CCSER1: variants seen among roughly 807,000 people sequenced by gnomAD.
CCSER1 encodes serine-rich coiled-coil domain-containing protein 1.
Under a neutral mutation model 82.0 loss-of-function variants are expected in CCSER1, and 41 were observed. The observed-to-expected ratio is 0.50, with a 90% CI of 0.39 to 0.65. The LOEUF (loss-of-function observed/expected upper bound fraction) is 0.65, where lower values mean the gene tolerates loss of function less well. CCSER1 is among the 30% of genes least tolerant of loss of function. The probability of loss-of-function intolerance (pLI) is 0.00; values close to 1 mark genes in which losing one functional copy is unlikely to be tolerated. For missense variants in CCSER1, 1,119 were observed against 1,064.2 expected (o/e 1.05, Z -0.72); for synonymous variants, 414 against 383.9 (o/e 1.08, Z -0.92).
chr4:91,445,265 A>G (rs1578476391), intron 10 of CCSER1, among the ~76,000 whole-genome samples: 2 of 152,008 alleles, frequency 1.3e-5, no homozygotes, highest in Non-Finnish European at 2.9e-5. Flanking sequence ...AAGATATTTC[A>G]TCTATTTTTA....
At chr4:90,634,733 T>A (rs1485756882) in intron 6 of CCSER1, among the ~76,000 whole-genome samples, 3 of 151,768 alleles carry the variant, frequency 2.0e-5, no homozygotes, top group Admixed American at 2.0e-4. Flanking sequence ...AATCAAGCAA[T>A]TACCATGGAA....
At chr4:90,128,663 GT>G (rs1218600005) in intron 1 of CCSER1, among the ~76,000 whole-genome samples, 3 of 152,154 alleles carry the variant, frequency 2.0e-5, no homozygotes, top group Non-Finnish European at 4.4e-5. Context: ...CCAGCAAGGG[GT>G]AAGGGTGACG....
At chr4:91,336,447 C>T (rs750363250) in intron 10 of CCSER1, among the ~76,000 whole-genome samples, 11 of 152,056 alleles carry the variant, frequency 7.2e-5, no homozygotes, top group Non-Finnish European at 1.0e-4. Context: ...GTATTTGCTA[C>T]GCTATGCCTT....
chr4:90,779,960 G>T (rs1473662391), intron 7 of CCSER1, among the ~76,000 whole-genome samples: 1 of 152,184 alleles, frequency 6.6e-6, no homozygotes, highest in Non-Finnish European at 1.5e-5. Flanking sequence ...GGCCTTTGAT[G>T]ATTTAAATTA....
intron 10 of CCSER1, among the ~76,000 whole-genome samples, chr4:91,354,337 G>A (rs1207131549): frequency 3.9e-5 from 6 of 152,200 alleles, no homozygotes; most frequent in East Asian, 1.9e-4. Context: ...TGTTTTTATC[G>A]GCAGTAAGAA....
chr4:91,018,514 C>T (rs1182510629), intron 9 of CCSER1, among the ~76,000 whole-genome samples: 1 of 152,090 alleles, frequency 6.6e-6, no homozygotes, highest in African/African-American at 2.4e-5. Flanking sequence ...TATATTTGGC[C>T]ATATTATTCC....
chr4:90,410,832 A>G (rs1261235676), intron 4 of CCSER1, among the ~76,000 whole-genome samples: 2 of 152,246 alleles, frequency 1.3e-5, no homozygotes, highest in Non-Finnish European at 2.9e-5. Context: ...CAATGAATCC[A>G]GGAGCTGGTT....
intron 10 of CCSER1, among the ~76,000 whole-genome samples, chr4:91,339,723 T>C (rs1191912029): frequency 6.6e-6 from 1 of 152,178 alleles, no homozygotes; most frequent in Non-Finnish European, 1.5e-5. Context: ...CTCTTCTCTG[T>C]AGGGGATACA....
chr4:91,402,564 T>G (rs1239502066), intron 10 of CCSER1, among the ~76,000 whole-genome samples: 1 of 152,182 alleles, frequency 6.6e-6, no homozygotes, highest in Non-Finnish European at 1.5e-5. Context: ...CTTGAGTTAA[T>G]TTTTGTATAA....
At chr4:91,067,083 GAA>G (rs1286698992) in intron 9 of CCSER1, among the ~76,000 whole-genome samples, 1 of 151,938 alleles carries the variant, frequency 6.6e-6, no homozygotes, top group Non-Finnish European at 1.5e-5. Flanking sequence ...GAAATGGCGT[GAA>G]CCCGGGAGGC....
At chr4:90,807,223 C>A (rs1757637347) in intron 7 of CCSER1, among the ~76,000 whole-genome samples, 1 of 152,048 alleles carries the variant, frequency 6.6e-6, no homozygotes, top group Non-Finnish European at 1.5e-5. Flanking sequence ...TACCTGCATC[C>A]TACTATGCTA....
At chr4:91,553,586 T>C (rs1406167690) in intron 10 of CCSER1, among the ~76,000 whole-genome samples, 3 of 150,636 alleles carry the variant, frequency 2.0e-5, no homozygotes, top group Non-Finnish European at 4.4e-5. Context: ...TTTTTTTGTC[T>C]TCAGTCTCCT....
At chr4:91,473,674 T>G (rs539140795) in intron 10 of CCSER1, among the ~76,000 whole-genome samples, 2 of 152,208 alleles carry the variant, frequency 1.3e-5, no homozygotes, top group African/African-American at 4.8e-5. Context: ...GAGGAAAAAT[T>G]AAAAGAGTGT....
chr4:90,565,681 T>G lies in CCSER1; in HGVS notation c.1725-62344T>G, dbSNP rs193280570. Among the ~76,000 whole-genome samples, 183 of 152,344 alleles carry G rather than the reference T, an allele frequency of 1.2e-3. 3 individuals are homozygous for G. In the East Asian group the frequency reaches 0.028, roughly 23 times the overall value. On this transcript the variant is annotated intron_variant, in intron 5 of 10. Transcript: ENST00000509176. The stretch of plus-strand genomic sequence containing the variant: ...TTTTTATTATGTTGAGGTACATTCC[T>G]TCCGTACCTAACTTGTTGAGAGTTT...
intron 8 of CCSER1, among the ~76,000 whole-genome samples, chr4:90,840,277 T>C (rs774723510): frequency 5.3e-5 from 8 of 152,152 alleles, no homozygotes; most frequent in Non-Finnish European, 1.5e-5. Flanking sequence ...TGTATCTTAA[T>C]TCAGAATTAG....
intron 9 of CCSER1, among the ~76,000 whole-genome samples, chr4:91,002,467 G>T (rs1738119161): frequency 6.6e-6 from 1 of 151,836 alleles, no homozygotes; most frequent in African/African-American, 2.4e-5. Flanking sequence ...TTTTTTCTTT[G>T]TCAGATTGGG....
chr4:91,321,147 G>C (rs1440096817), intron 10 of CCSER1, among the ~76,000 whole-genome samples: 1 of 152,050 alleles, frequency 6.6e-6, no homozygotes, highest in African/African-American at 2.4e-5. Flanking sequence ...GGATAAACTT[G>C]ATTCTTATTC....
At chr4:91,050,117 T>C (rs1200753695) in intron 9 of CCSER1, among the ~76,000 whole-genome samples, 2 of 152,204 alleles carry the variant, frequency 1.3e-5, no homozygotes, top group Non-Finnish European at 2.9e-5. Context: ...GGATTGTATG[T>C]ATACAATTGA....
At chr4:90,739,560 G>C (rs781262092) in intron 7 of CCSER1, among the ~76,000 whole-genome samples, 1 of 152,166 alleles carries the variant, frequency 6.6e-6, no homozygotes, top group Non-Finnish European at 1.5e-5. Flanking sequence ...TTGTGGGCTA[G>C]ACTGCATTTC....
Sources: allele counts gnomAD v4.1 joint callset (sites outside exome capture counted in the v4.1 genomes callset), GRCh38; gene constraint gnomAD v4.1.1; transcripts MANE v1.5; gene names NCBI Gene and HGNC (gene_info 2026-07-23, HGNC 2026-07-21).